Variants in MAML3 observed in about 807,000 individuals in gnomAD.
MAML3 encodes mastermind like transcriptional coactivator 3.
MAML3 carries 27 observed loss-of-function variants against 101.9 expected under a neutral mutation model. The observed-to-expected ratio is 0.27, with a 90% CI of 0.20 to 0.37. The LOEUF is 0.37. MAML3 is among the 10% of genes least tolerant of loss of function. The probability of loss-of-function intolerance (pLI) is 1.00; values close to 1 mark genes in which losing one functional copy is unlikely to be tolerated. For missense variants in MAML3, 1,316 were observed against 1,444.9 expected (o/e 0.91, Z 1.45); for synonymous variants, 501 against 555.9 (o/e 0.90, Z 1.39).
intron 1 of MAML3, among the ~76,000 whole-genome samples, chr4:140,008,709 T>G (rs1578640604): frequency 1.3e-5 from 2 of 152,078 alleles, no homozygotes; most frequent in Non-Finnish European, 2.9e-5. Flanking sequence ...CAAATAAAAT[T>G]TATGAGAATG....
At chr4:139,993,590 C>T (rs763407418) in intron 1 of MAML3, among the ~76,000 whole-genome samples, 33 of 151,858 alleles carry the variant, frequency 2.2e-4, no homozygotes, top group Non-Finnish European at 3.8e-4. Flanking sequence ...CTTTGGGAGG[C>T]CGAGGAGGGT....
chr4:139,891,627 C>T (rs1732501634), intron 1 of MAML3, among the ~76,000 whole-genome samples: 1 of 152,020 alleles, frequency 6.6e-6, no homozygotes, highest in African/African-American at 2.4e-5. Context: ...GATGTTAATA[C>T]CTATCCCAAA....
chr4:139,841,318 A>G (rs969227188), intron 2 of MAML3, among the ~76,000 whole-genome samples: 1 of 152,228 alleles, frequency 6.6e-6, no homozygotes, highest in Non-Finnish European at 1.5e-5. Context: ...GCAGGCCCCA[A>G]CATTCCCATT....
At chr4:139,967,227 G>A (rs1251064727) in intron 1 of MAML3, among the ~76,000 whole-genome samples, 1 of 152,084 alleles carries the variant, frequency 6.6e-6, no homozygotes, top group East Asian at 1.9e-4. Flanking sequence ...AAAAGGAGGA[G>A]TTATAGGAGT....
chr4:140,058,105 T>TTTATTCATTTAAGAAGTTAAAAGGTA (rs1727383613), intron 1 of MAML3, among the ~76,000 whole-genome samples: 2 of 152,214 alleles, frequency 1.3e-5, no homozygotes, highest in Non-Finnish European at 2.9e-5. Context: ...GAAGTTTTAC[T>TTTATTCATTTAAGAAGTTAAAAGGTA]TTATTCATTT....
chr4:139,948,101 A>AAACTAAATAAAT (rs1553965593), intron 1 of MAML3, among the ~76,000 whole-genome samples: 2 of 143,140 alleles, frequency 1.4e-5, no homozygotes, highest in African/African-American at 5.2e-5. Flanking sequence ...ACTCCATCTC[A>AAACTAAATAAAT]AAATAAATAA....
At chr4:139,980,970 G>T (rs184097738) in intron 1 of MAML3, among the ~76,000 whole-genome samples, 106 of 152,250 alleles carry the variant, frequency 7.0e-4, no homozygotes, top group African/African-American at 2.4e-3. Flanking sequence ...AAAAGTTCTG[G>T]GTTGGGAACA....
intron 2 of MAML3, among the ~76,000 whole-genome samples, chr4:139,817,589 G>A (rs955302687): frequency 3.9e-5 from 6 of 152,152 alleles, no homozygotes; most frequent in Admixed American, 3.9e-4. Flanking sequence ...TCCATTCAGT[G>A]ATTTTTCAGA....
At chr4:139,927,015 A>C (rs573729931) in intron 1 of MAML3, among the ~76,000 whole-genome samples, 1 of 151,648 alleles carries the variant, frequency 6.6e-6, no homozygotes, top group South Asian at 2.1e-4. Context: ...ACTGATGAAA[A>C]TGATTTTGTA....
intron 1 of MAML3, among the ~76,000 whole-genome samples, chr4:140,001,151 T>C (rs1734917662): frequency 6.6e-6 from 1 of 152,252 alleles, no homozygotes; most frequent in Non-Finnish European, 1.5e-5. Flanking sequence ...TGTTTCAGCC[T>C]GGAATGGAAT....
rs1012389383 is a variant in MAML3 at position 139,827,532 on chromosome 4, A to AG, written c.2079+61824dup. On this transcript the variant is annotated intron_variant, in intron 2 of 4. Coordinates refer to ENST00000509479, the MANE Select transcript of MAML3 (RefSeq NM_018717.5). ...ATGCAATTAAAAATTACAAAGGACTAGGGGGGAAAAAACAGAAAATAATTT... is the reference window on the plus strand; with the variant it reads ...ATGCAATTAAAAATTACAAAGGACTAGGGGGGGAAAAAACAGAAAATAATTT... Among the ~76,000 whole-genome samples the AG allele has an allele frequency of 2.6e-5, 4 of 151,894 alleles. No individual in the cohort carries two copies. In the East Asian group the frequency reaches 5.8e-4, roughly 22 times the overall value.
intron 2 of MAML3, among the ~76,000 whole-genome samples, chr4:139,853,823 A>AT (rs34509574): frequency 2.0e-5 from 2 of 99,638 alleles, no homozygotes; most frequent in African/African-American, 8.4e-5. Context: ...TTTTTATTTT[A>AT]TTTTTATTTT....
At chr4:139,998,462 T>A (rs1032901217) in intron 1 of MAML3, among the ~76,000 whole-genome samples, 1 of 152,232 alleles carries the variant, frequency 6.6e-6, no homozygotes, top group Non-Finnish European at 1.5e-5. Context: ...CCAGATCTTG[T>A]CCCAAGCTGG....
chr4:139,865,166 C>T (rs1486915208), intron 2 of MAML3, among the ~76,000 whole-genome samples: 2 of 152,088 alleles, frequency 1.3e-5, no homozygotes, highest in Admixed American at 1.3e-4. Flanking sequence ...CAACTATCTT[C>T]TCTCTGTCTA....
intron 1 of MAML3, among the ~76,000 whole-genome samples, chr4:139,892,918 G>A (rs1417937499): frequency 1.4e-5 from 2 of 139,520 alleles, no homozygotes; most frequent in South Asian, 2.3e-4. Context: ...GTGATAGAGC[G>A]AGACTCCGTC....
chr4:139,747,780 G>A (rs966950187), intron 2 of MAML3, among the ~76,000 whole-genome samples: 3 of 151,760 alleles, frequency 2.0e-5, no homozygotes, highest in African/African-American at 7.3e-5. Context: ...TAGGCTGGGC[G>A]TGGTGGCTCA....
intron 2 of MAML3, among the ~76,000 whole-genome samples, chr4:139,781,195 A>G (rs1391762554): frequency 6.6e-6 from 1 of 152,150 alleles, no homozygotes; most frequent in East Asian, 1.9e-4. Flanking sequence ...TGAAAAATAG[A>G]GTTGCAGAGG....
chr4:140,075,578 C>A (rs1310609467), intron 1 of MAML3, among the ~76,000 whole-genome samples: 1 of 152,088 alleles, frequency 6.6e-6, no homozygotes, highest in Non-Finnish European at 1.5e-5. Context: ...ACTCTATCAC[C>A]CAGACTGGAG....
chr4:139,979,132 C>T (rs1734400330), intron 1 of MAML3, among the ~76,000 whole-genome samples: 1 of 152,048 alleles, frequency 6.6e-6, no homozygotes, highest in Admixed American at 6.6e-5. Context: ...TTTCATCAAT[C>T]CTGCAAGGAA....
Sources: allele counts gnomAD v4.1 joint callset (sites outside exome capture counted in the v4.1 genomes callset), GRCh38; gene constraint gnomAD v4.1.1; transcripts MANE v1.5; gene names NCBI Gene and HGNC (gene_info 2026-07-23, HGNC 2026-07-21).